The following NEGR1 variants were observed in gnomAD, a reference collection of about 807,000 sequenced individuals.
The protein encoded by NEGR1 is IgLON family member 4.
NEGR1 carries 10 observed loss-of-function variants against 40.9 expected under a neutral mutation model. The observed-to-expected ratio is 0.24, with a 90% CI of 0.15 to 0.42. NEGR1 has a LOEUF of 0.42. Among genes scored for constraint, NEGR1 ranks in the 10% least tolerant of loss-of-function variants. The probability of loss-of-function intolerance (pLI) is 1.00; values close to 1 mark genes in which losing one functional copy is unlikely to be tolerated. For missense variants in NEGR1, 352 were observed against 438.9 expected (o/e 0.80, Z 1.77); for synonymous variants, 185 against 166.8 (o/e 1.11, Z -0.84).
At chr1:72,043,719 G>A (rs1379445292) in intron 1 of NEGR1, among the ~76,000 whole-genome samples, 1 of 151,758 alleles carries the variant, frequency 6.6e-6, no homozygotes, top group African/African-American at 2.4e-5. Flanking sequence ...CATCATGATC[G>A]AAATTGGTCT....
chr1:71,502,956 A>T (rs1261735141), intron 6 of NEGR1, among the ~76,000 whole-genome samples: 1 of 152,188 alleles, frequency 6.6e-6, no homozygotes, highest in East Asian at 1.9e-4. Flanking sequence ...GGTTGAGTAC[A>T]TGAGGAAAAG....
At chr1:72,009,973 A>T (rs1366025580) in intron 1 of NEGR1, among the ~76,000 whole-genome samples, 1 of 152,134 alleles carries the variant, frequency 6.6e-6, no homozygotes, top group African/African-American at 2.4e-5. Flanking sequence ...AATGTGCAAT[A>T]AAAATAATCC....
chr1:72,245,872 A>G (rs1357160766), intron 1 of NEGR1, among the ~76,000 whole-genome samples: 1 of 152,172 alleles, frequency 6.6e-6, no homozygotes, highest in Non-Finnish European at 1.5e-5. Context: ...ACTCTTAACA[A>G]AAGTTTCAAA....
intron 3 of NEGR1, among the ~76,000 whole-genome samples, chr1:71,732,914 T>G (rs1353091148): frequency 6.6e-6 from 1 of 152,144 alleles, no homozygotes. Flanking sequence ...TTTTCGATTT[T>G]CAAATAAACC....
chr1:71,576,697 A>G (rs1287481190), intron 6 of NEGR1, among the ~76,000 whole-genome samples: 1 of 152,248 alleles, frequency 6.6e-6, no homozygotes, highest in Admixed American at 6.5e-5. Context: ...CTGACTTCCC[A>G]TGCAGCTAAG....
intron 1 of NEGR1, among the ~76,000 whole-genome samples, chr1:72,112,128 A>G (rs1448586856): frequency 6.6e-6 from 1 of 151,754 alleles, no homozygotes; most frequent in Non-Finnish European, 1.5e-5. Context: ...TCCATGGTCT[A>G]TTCATAACAT....
chr1:71,895,245 C>A (rs995528578), intron 2 of NEGR1, among the ~76,000 whole-genome samples: 3 of 152,152 alleles, frequency 2.0e-5, no homozygotes, highest in Non-Finnish European at 2.9e-5. Context: ...TTCCTAGGTA[C>A]AGAGCTTTTC....
intron 2 of NEGR1, among the ~76,000 whole-genome samples, chr1:71,835,331 C>T (rs1658988922): frequency 6.6e-6 from 1 of 152,058 alleles, no homozygotes; most frequent in African/African-American, 2.4e-5. Context: ...TCTGGAAGAA[C>T]TACAAAGTCA....
At chr1:71,885,557 AG>A (rs1243452512) in intron 2 of NEGR1, among the ~76,000 whole-genome samples, 1 of 152,218 alleles carries the variant, frequency 6.6e-6, no homozygotes, top group African/African-American at 2.4e-5. Flanking sequence ...TGTAAGTAAG[AG>A]GATCTGGGTG....
chr1:71,930,245 G>T (rs189219164), intron 2 of NEGR1, among the ~76,000 whole-genome samples: 1 of 152,088 alleles, frequency 6.6e-6, no homozygotes, highest in East Asian at 1.9e-4. Context: ...CCAAAGAGAT[G>T]TTCCTTATAC....
chr1:71,580,230 T>G (rs1317730445), intron 6 of NEGR1, among the ~76,000 whole-genome samples: 1 of 150,402 alleles, frequency 6.6e-6, no homozygotes, highest in Non-Finnish European at 1.5e-5. Context: ...CACCGCATAT[T>G]CTCACTCATA....
chr1:72,263,045 G>A (rs1258001852), intron 1 of NEGR1, among the ~76,000 whole-genome samples: 2 of 151,626 alleles, frequency 1.3e-5, no homozygotes, highest in African/African-American at 4.8e-5. Flanking sequence ...CTTCAAAGAG[G>A]AATGACTATT....
At chr1:71,932,883 G>A (rs1325735396) in intron 2 of NEGR1, among the ~76,000 whole-genome samples, 1 of 152,016 alleles carries the variant, frequency 6.6e-6, no homozygotes, top group Non-Finnish European at 1.5e-5. Flanking sequence ...CTTAAGTGGG[G>A]TTGACTTTTT....
At chr1:71,901,218 G>A (rs1425351986) in intron 2 of NEGR1, among the ~76,000 whole-genome samples, 2 of 152,080 alleles carry the variant, frequency 1.3e-5, no homozygotes, top group Non-Finnish European at 2.9e-5. Flanking sequence ...GAAACAAAAC[G>A]ATCCAAAAAT....
At chr1:72,273,514 A>C (rs546410069) in intron 1 of NEGR1, among the ~76,000 whole-genome samples, 19 of 152,088 alleles carry the variant, frequency 1.2e-4, no homozygotes, top group South Asian at 6.2e-4. Context: ...ATCTTACAAC[A>C]ACTAGGTCAT....
intron 2 of NEGR1, among the ~76,000 whole-genome samples, chr1:71,925,876 G>T (rs568314504): frequency 1.3e-5 from 2 of 152,128 alleles, no homozygotes; most frequent in African/African-American, 4.8e-5. Flanking sequence ...TATTTATAGA[G>T]AGATTTTCAT....
At chr1:72,118,878 T>C (rs546971774) in intron 1 of NEGR1, among the ~76,000 whole-genome samples, 61 of 151,858 alleles carry the variant, frequency 4.0e-4, no homozygotes, top group African/African-American at 1.2e-3. Context: ...TAAATAAATG[T>C]AGATGTTAAC....
intron 3 of NEGR1, among the ~76,000 whole-genome samples, chr1:71,739,264 C>A (rs1655138278): frequency 6.6e-6 from 1 of 151,586 alleles, no homozygotes; most frequent in Non-Finnish European, 1.5e-5. Context: ...GCCTCCCAGC[C>A]TACATCTTTC....
intron 1 of NEGR1, among the ~76,000 whole-genome samples, chr1:72,139,263 A>T (rs951305660): frequency 6.6e-6 from 1 of 151,594 alleles, no homozygotes; most frequent in African/African-American, 2.4e-5. Flanking sequence ...GCGAAAAAAA[A>T]AAAAAGAAAC....
Sources: allele counts gnomAD v4.1 joint callset (sites outside exome capture counted in the v4.1 genomes callset), GRCh38; gene constraint gnomAD v4.1.1; transcripts MANE v1.5; gene names NCBI Gene and HGNC (gene_info 2026-07-23, HGNC 2026-07-21).